The following PDE10A variants were observed in gnomAD, a reference collection of about 807,000 sequenced individuals.
PDE10A encodes the protein phosphodiesterase 10A.
In PDE10A, 39 loss-of-function variants were observed where a neutral mutation model predicts 97.7. The ratio of observed to expected loss-of-function variants is 0.40; its 90% CI spans 0.31 to 0.52. The LOEUF (loss-of-function observed/expected upper bound fraction) is 0.52. PDE10A is among the 20% of genes least tolerant of loss of function. The pLI, the probability that PDE10A is intolerant of heterozygous loss-of-function variation, is 0.56. For missense variants in PDE10A, 731 were observed against 1,047.8 expected (o/e 0.70, Z 4.17); for synonymous variants, 371 against 376.8 (o/e 0.98, Z 0.18).
intron 1 of PDE10A, among the ~76,000 whole-genome samples, chr6:165,596,484 C>T (rs943612938): frequency 1.3e-5 from 2 of 152,210 alleles, no homozygotes; most frequent in Non-Finnish European, 2.9e-5. Flanking sequence ...ATCCCAGCAC[C>T]TCTGGTGGCT....
At position 165,530,248 on chromosome 6, in the gene PDE10A, T is replaced by G. The variant is rs1448446009; in HGVS notation, c.994+13192A>C. On this transcript the variant is annotated intron_variant, in intron 2 of 21. Transcript: ENST00000539869. The stretch of plus-strand genomic sequence containing the variant: ...CTTGTGATTGTGTAAGTTAATACTT[T>G]AAGTAAAATCCTCTTTATATATGTG... Among the ~76,000 whole-genome samples, 4 of 151,340 alleles carry G rather than the reference T, an allele frequency of 2.6e-5. No individual in the cohort carries two copies. The East Asian group carries it at 7.8e-4, about 30-fold the overall frequency.
chr6:165,891,317 C>A (rs896854244), intron 1 of PDE10A, among the ~76,000 whole-genome samples: 5 of 152,194 alleles, frequency 3.3e-5, no homozygotes, highest in Admixed American at 1.3e-4. Context: ...GTGGATTGGT[C>A]TGAGGCTCAG....
chr6:165,392,782 T>A lies in PDE10A; in HGVS notation c.2318A>T (p.Lys773Met). The A allele has an allele frequency of 6.2e-7, 1 of 1,613,982 alleles. No homozygotes were observed. The highest frequency in any genetic ancestry group is 1.7e-4 in the Middle Eastern group (1 of 6,060). ...SCGTSCFELE[K>M]LCRFIMSVKK... ...CACAGACATAATAAAACGACACAAC[T>A]TTTCAAGCTCAAAGCTGCATGGAAA... is the stretch of plus-strand genomic sequence containing the variant. The change falls in exon 16 of 22, where the codon AAG becomes ATG. Residue 773 changes from lysine (K) to methionine (M), a missense_variant. Lys to Met is a moderately conservative substitution (Grantham distance 95). Around this residue, in one of 8 missense-constraint regions of PDE10A, gnomAD observed 131 missense variants for 187.4 expected, o/e 0.70. Transcript: ENST00000539869.
At chr6:165,823,541 A>ATATTATATTTATAATTTATAACTATATAC (rs1779642032) in intron 1 of PDE10A, among the ~76,000 whole-genome samples, 2 of 135,196 alleles carry the variant, frequency 1.5e-5, no homozygotes, top group Admixed American at 7.9e-5. Context: ...TTAATTATAA[A>ATATTATATTTATAATTTATAACTATATAC]TATTATATAG....
chr6:165,636,426 T>C (rs770274645), intron 1 of PDE10A, among the ~76,000 whole-genome samples: 1 of 152,224 alleles, frequency 6.6e-6, no homozygotes, highest in South Asian at 2.1e-4. Context: ...ATTCTACTCA[T>C]GTAGAATTTT....
At chr6:165,875,168 C>A (rs887881299) in intron 1 of PDE10A, among the ~76,000 whole-genome samples, 1 of 152,116 alleles carries the variant, frequency 6.6e-6, no homozygotes, top group African/African-American at 2.4e-5. Flanking sequence ...CTTCAATTCT[C>A]CCCCAGAGAG....
chr6:165,743,778 C>T (rs763821617), intron 1 of PDE10A, among the ~76,000 whole-genome samples: 2 of 152,184 alleles, frequency 1.3e-5, no homozygotes, highest in East Asian at 3.8e-4. Flanking sequence ...CGACATGTTC[C>T]GACTCCCTGT....
chr6:165,764,670 G>T lies in PDE10A; in HGVS notation c.-614-221102C>A, dbSNP rs377574030. ...CTGGAGTTGTTCCTTCCTCCTGGCG[G>T]GCTTATAGTCCCACCGGCTCAGGAG... is the stretch of plus-strand genomic sequence containing the variant. On this transcript the variant is annotated intron_variant, in intron 1 of 19. Transcript: ENST00000366882. 5.9e-5 allele frequency among the ~76,000 whole-genome samples: 9 copies of T among 152,232 alleles called. No individual in the cohort carries two copies. The East Asian group carries it at 1.5e-3, about 26-fold the overall frequency.
chr6:165,981,337 T>C (rs188378244), intron 1 of PDE10A, among the ~76,000 whole-genome samples: 2 of 152,316 alleles, frequency 1.3e-5, no homozygotes, highest in African/African-American at 4.8e-5. Context: ...TTTGGTTCCT[T>C]TGTCAGTTAT....
chr6:165,422,430 T>C lies in PDE10A; in HGVS notation c.1654-3653A>G, dbSNP rs568679841. ...GCATACACACATATGCATACACACA[T>C]ACGCATACACACATACGCATATACA... is the stretch of plus-strand genomic sequence containing the variant. On this transcript the variant is annotated intron_variant, in intron 10 of 21. Coordinates refer to ENST00000539869, the MANE Select transcript of PDE10A (RefSeq NM_001385079.1). Among the ~76,000 whole-genome samples, 6 of 138,800 alleles carry C rather than the reference T, an allele frequency of 4.3e-5. 1 individual carries two copies. In the South Asian group the frequency reaches 1.2e-3, roughly 28 times the overall value. 91.1% of individuals were successfully genotyped at this position (138,800 alleles called of 152,430 possible).
chr6:165,862,428 G>T (rs1780930133), intron 1 of PDE10A, among the ~76,000 whole-genome samples: 1 of 152,130 alleles, frequency 6.6e-6, no homozygotes, highest in Admixed American at 6.5e-5. Context: ...CATTTGTCTT[G>T]AAAATAGGTT....
intron 3 of PDE10A, among the ~76,000 whole-genome samples, chr6:165,457,854 T>C (rs1778052741): frequency 6.6e-6 from 1 of 152,156 alleles, no homozygotes; most frequent in South Asian, 2.1e-4. Context: ...CTAAAATGAA[T>C]TAGTTATGTA....
At chr6:165,790,433 T>C (rs1778616214) in intron 1 of PDE10A, among the ~76,000 whole-genome samples, 1 of 152,228 alleles carries the variant, frequency 6.6e-6, no homozygotes, top group African/African-American at 2.4e-5. Flanking sequence ...TTTTAGATTG[T>C]TCCTGAGTTA....
At chr6:165,906,724 T>A (rs1249797892) in intron 1 of PDE10A, among the ~76,000 whole-genome samples, 3 of 151,656 alleles carry the variant, frequency 2.0e-5, no homozygotes, top group Non-Finnish European at 4.4e-5. Flanking sequence ...ATAGGAGAGG[T>A]GCTTAGGGAA....
intron 1 of PDE10A, among the ~76,000 whole-genome samples, chr6:165,758,122 G>C (rs555715555): frequency 7.2e-5 from 11 of 152,310 alleles, no homozygotes; most frequent in South Asian, 2.1e-4. Context: ...TTTTTCATGA[G>C]ATTAAAAACT....
At chr6:165,867,067 C>A (rs1002758288) in intron 1 of PDE10A, among the ~76,000 whole-genome samples, 1 of 151,180 alleles carries the variant, frequency 6.6e-6, no homozygotes, top group Non-Finnish European at 1.5e-5. Flanking sequence ...CTGGGAAAAC[C>A]CCACCAAATT....
chr6:165,333,000 G>A lies in PDE10A; in HGVS notation c.*25C>T, dbSNP rs774237980. 3 of 1,372,498 alleles carry A rather than the reference G, an allele frequency of 2.2e-6. No homozygotes were observed. Among genetic ancestry groups the A allele is most frequent in the African/African-American group, 2.9e-5 (2 of 69,982 alleles). The allele number at this position is 1,372,498 out of a possible 1,614,324, so 85.0% of individuals were successfully genotyped here. A position where few individuals can be genotyped will look rare whatever the true frequency, so the allele number is the denominator to read the frequency against. ...AAGCAAGATGAGGATCTGTAGGTGG[G>A]ACAGCGTGTCAGGGTGACCAGTGCT... is the stretch of plus-strand genomic sequence containing the variant. On this transcript the variant is annotated 3_prime_UTR_variant, in exon 22 of 22. Coordinates refer to ENST00000539869, the MANE Select transcript of PDE10A (RefSeq NM_001385079.1).
chr6:165,451,263 G>A (rs925129443), intron 3 of PDE10A, among the ~76,000 whole-genome samples: 1 of 152,166 alleles, frequency 6.6e-6, no homozygotes, highest in Non-Finnish European at 1.5e-5. Flanking sequence ...CAGGTGGACA[G>A]GGAGATGTCA....
chr6:165,955,162 C>G (rs1458105337), intron 1 of PDE10A, among the ~76,000 whole-genome samples: 1 of 152,140 alleles, frequency 6.6e-6, no homozygotes, highest in African/African-American at 2.4e-5. Flanking sequence ...TCGCACTCAC[C>G]TTGGGGCTAC....
Sources: gnomAD v4.1 joint callset for allele counts (sites outside exome capture counted in the v4.1 genomes callset) on GRCh38, gnomAD v4.1.1 for gene constraint, gnomAD v4.1.1 regional missense constraint, MANE v1.5 for transcripts, NCBI Gene and HGNC (gene_info 2026-07-23, HGNC 2026-07-21) for gene names.